The following SPI1 variants were observed in gnomAD, a reference collection of about 807,000 sequenced individuals.
The protein encoded by SPI1 is transcription factor PU.1.
Under a neutral mutation model 30.7 loss-of-function variants are expected in SPI1, and 3 were observed. The observed-to-expected ratio is 0.10, with a 90% CI of 0.04 to 0.25. The LOEUF (loss-of-function observed/expected upper bound fraction) is 0.25. Ranked by LOEUF, SPI1 falls within the 10% of genes least tolerant of loss-of-function variation. The pLI is 1.00. For synonymous variants in SPI1, 169 were observed against 157.1 expected (o/e 1.08, Z -0.56); for missense variants, 261 against 371.5 (o/e 0.70, Z 2.45).
chr11:47,358,628 C>T (rs1323879317), intron 4 of SPI1: 2 of 706,786 alleles, frequency 2.8e-6, no homozygotes, highest in Non-Finnish European at 5.1e-6. Flanking sequence ...ACACACCTGG[C>T]ACACTTCATG....
chr11:47,363,321 G>A (rs1408233067), intron 2 of SPI1, among the ~76,000 whole-genome samples: 1 of 152,190 alleles, frequency 6.6e-6, no homozygotes, highest in Non-Finnish European at 1.5e-5. Flanking sequence ...AGGAGTCCGA[G>A]ATCAACCTGG....
chr11:47,377,404 A>G (rs1321698286), intron 1 of SPI1, among the ~76,000 whole-genome samples: 2 of 152,004 alleles, frequency 1.3e-5, no homozygotes, highest in Non-Finnish European at 2.9e-5. Context: ...ATGGGGTGGG[A>G]AAAGGGAGAA....
chr11:47,361,674 C>T (rs548669313), intron 2 of SPI1, among the ~76,000 whole-genome samples: 1 of 152,310 alleles, frequency 6.6e-6, no homozygotes, highest in African/African-American at 2.4e-5. Context: ...AGTCCACCAC[C>T]AGCCATGCGT....
Position 47,375,701 on chromosome 11 carries a change from G to A in SPI1, c.74C>T (p.Thr25Met), listed in dbSNP as rs2095941375. The A allele has an allele frequency of 3.7e-6, 6 of 1,613,908 alleles. No individual in the cohort carries two copies. The highest frequency in any genetic ancestry group is 2.5e-6 in the Non-Finnish European group (3 of 1,179,898). Residue 25 changes from threonine to methionine, a missense_variant, in exon 2 of 5, where the codon ACG becomes ATG. Thr to Met is a moderately conservative substitution (Grantham distance 81). Coordinates refer to ENST00000378538, the MANE Select transcript of SPI1 (RefSeq NM_003120.3). This position sits in a 1 kb window ranked among gnomAD's most constrained non-coding sequence, Gnocchi z 4.2. ...PPSEDLVPYD[T>M]DLYQRQTHEY... ...GTGCGTTTGGCGTTGGTATAGATCC[G>A]TGTCATAGGGCACCAGGTCTTCTGA... is the stretch of plus-strand genomic sequence containing the variant.
Position 47,370,523 on chromosome 11 carries a change from G to A in SPI1, c.142+5110C>T, listed in dbSNP as rs192176588. On this transcript the variant is annotated intron_variant, in intron 2 of 4. Coordinates refer to ENST00000378538, the MANE Select transcript of SPI1 (RefSeq NM_003120.3). The stretch of plus-strand genomic sequence containing the variant: ...TCAAGACTAGCCTGGCCAACATGGC[G>A]AAACCCCATCTCTACTAAAAATACA... Among the ~76,000 whole-genome samples the A allele has an allele frequency of 1.6e-4, 24 of 151,488 alleles. 1 individual carries two copies. Among genetic ancestry groups the A allele is most frequent in the Admixed American group, 1.4e-3 (22 of 15,188 alleles).
chr11:47,374,186 C>G lies in SPI1; in HGVS notation c.142+1447G>C, dbSNP rs1426809747. ...GTCTCTGGGTCCCCCAGACCGGGCT[C>G]TTCACTCTGGTAGGGAGAGCTGGGG... On this transcript the variant is annotated intron_variant, in intron 2 of 4. Coordinates refer to ENST00000378538, the MANE Select transcript of SPI1 (RefSeq NM_003120.3). The surrounding 1 kb of genome is among the most constrained non-coding windows in gnomAD (Gnocchi z 4.5). Among the ~76,000 whole-genome samples, 1 of 152,182 alleles carries G rather than the reference C, an allele frequency of 6.6e-6. No homozygotes were observed. The highest frequency in any genetic ancestry group is 1.5e-5 in the Non-Finnish European group (1 of 68,036).
intron 2 of SPI1, among the ~76,000 whole-genome samples, chr11:47,370,410 GAAAAA>G (rs1004836341): frequency 7.7e-6 from 1 of 129,182 alleles, no homozygotes; most frequent in South Asian, 2.6e-4. Context: ...TCAAAAAAAA[GAAAAA>G]AAAAAAGGCC....
In SPI1 at chr11:47,359,299, A is replaced by G. The variant is rs1382950407; in HGVS notation, c.331-293T>C. 6.6e-6 allele frequency among the ~76,000 whole-genome samples: 1 copy of G among 152,102 alleles called. No individual in the cohort carries two copies. The highest frequency in any genetic ancestry group is 6.5e-5 in the Admixed American group (1 of 15,284). On this transcript the variant is annotated intron_variant, in intron 3 of 4. Coordinates refer to ENST00000378538, the MANE Select transcript of SPI1 (RefSeq NM_003120.3). This position sits in a 1 kb window ranked among gnomAD's most constrained non-coding sequence, Gnocchi z 5.1. ...AGTGGTGCCTTGTTCTCCTCCCTGC[A>G]GCGGTGCTGTGTGGACCCGCATTAG...
Position 47,373,052 on chromosome 11 carries a change from G to T in SPI1, c.142+2581C>A, listed in dbSNP as rs532461569. Among the ~76,000 whole-genome samples the T allele has an allele frequency of 3.9e-5, 6 of 152,290 alleles. No individual in the cohort carries two copies. The South Asian group carries it at 1.2e-3, about 32-fold the overall frequency. On this transcript the variant is annotated intron_variant, in intron 2 of 4. Coordinates refer to ENST00000378538, the MANE Select transcript of SPI1 (RefSeq NM_003120.3). ...GTCTTCAGACGATACCTTCCAGCGG[G>T]TATAAAAAGGGACAGCCCGGCCGGG... is the stretch of plus-strand genomic sequence containing the variant.
intron 4 of SPI1, 96 bp downstream of exon 4, chr11:47,358,747 CG>C (rs1565637771): frequency 3.3e-6 from 4 of 1,226,900 alleles, no homozygotes; most frequent in Non-Finnish European, 4.7e-6. Flanking sequence ...ACACGCGACT[CG>C]GTGGCGTGGC....
chr11:47,361,129 A>G (rs2095920202), intron 2 of SPI1, among the ~76,000 whole-genome samples: 1 of 152,176 alleles, frequency 6.6e-6, no homozygotes, highest in African/African-American at 2.4e-5. Context: ...TCAAAAAGAA[A>G]AAAAAAGAAA....
chr11:47,355,434 C>G lies in SPI1; in HGVS notation c.606G>C (p.Ser202=). ...GCGCCAGCGCCTCCTTGTGCTTGGACGAGAACTGGAAGGTGCCCTTGTCCT... is the reference window on the plus strand; with the variant it reads ...GCGCCAGCGCCTCCTTGTGCTTGGAGGAGAACTGGAAGGTGCCCTTGTCCT... The part of the protein sequence containing the change: ...VDKDKGTFQF[S]SKHKEALAHR... Residue 202 remains serine, a synonymous_variant, in exon 5 of 5, where the codon TCG becomes TCC. Transcript: ENST00000378538. The G allele has an allele frequency of 6.2e-7, 1 of 1,613,794 alleles. No individual in the cohort carries two copies. Among genetic ancestry groups the G allele is most frequent in the Non-Finnish European group, 8.5e-7 (1 of 1,179,752 alleles).
At chr11:47,357,903 CCTGCTTTCACACAT>C (rs1392101356) in intron 4 of SPI1, among the ~76,000 whole-genome samples, 3 of 152,040 alleles carry the variant, frequency 2.0e-5, no homozygotes, top group Non-Finnish European at 4.4e-5. Context: ...CATTCACACA[CCTGCTTTCACACAT>C]ACACATACCT....
chr11:47,361,387 C>A (rs958769704), intron 2 of SPI1, among the ~76,000 whole-genome samples: 1 of 152,176 alleles, frequency 6.6e-6, no homozygotes, highest in Non-Finnish European at 1.5e-5. Context: ...TGAGACTTTC[C>A]TGGAAAACCC....
At chr11:47,356,588 A>G (rs951615113) in intron 4 of SPI1, among the ~76,000 whole-genome samples, 1 of 150,938 alleles carries the variant, frequency 6.6e-6, no homozygotes, top group African/African-American at 2.4e-5. Context: ...ACCTCACACC[A>G]GGTCTCATAA....
intron 4 of SPI1, among the ~76,000 whole-genome samples, chr11:47,357,865 C>T (rs554075534): frequency 6.6e-6 from 1 of 151,982 alleles, no homozygotes; most frequent in Non-Finnish European, 1.5e-5. Context: ...ACGCCCGGCC[C>T]ACTCACACCC....
At chr11:47,357,218 CAT>C (rs1321911468) in intron 4 of SPI1, among the ~76,000 whole-genome samples, 3 of 151,492 alleles carry the variant, frequency 2.0e-5, no homozygotes, top group Non-Finnish European at 4.4e-5. Context: ...TGCACACACA[CAT>C]GCTCACACAT....
Position 47,359,067 on chromosome 11 carries a change from G to T in SPI1, c.331-61C>A. 6.8e-7 allele frequency: 1 copy of T among 1,460,912 alleles called. No individual in the cohort carries two copies. Among genetic ancestry groups the T allele is most frequent in the Non-Finnish European group, 9.1e-7 (1 of 1,093,838 alleles). 90.5% of individuals were successfully genotyped at this position (1,460,912 alleles called of 1,614,324 possible). Reference sequence around the variant, plus strand: ...GGCCAGCTTACAGCTCAGGGGGGCTGGGAGGGAGGTCAGCTGGGGAGAGAA... The same window carrying T: ...GGCCAGCTTACAGCTCAGGGGGGCTTGGAGGGAGGTCAGCTGGGGAGAGAA... On this transcript the variant is annotated intron_variant, in intron 3 of 4. Coordinates refer to ENST00000378538, the MANE Select transcript of SPI1 (RefSeq NM_003120.3). The surrounding 1 kb of genome is among the most constrained non-coding windows in gnomAD (Gnocchi z 5.1).
intron 4 of SPI1, among the ~76,000 whole-genome samples, chr11:47,356,178 A>T (rs2095908733): frequency 6.7e-6 from 1 of 148,962 alleles, no homozygotes; most frequent in Non-Finnish European, 1.5e-5. Flanking sequence ...TCACTTTCTC[A>T]CACACCCACA....
Sources: gnomAD v4.1 joint callset for allele counts (sites outside exome capture counted in the v4.1 genomes callset) on GRCh38, gnomAD v4.1.1 for gene constraint, Gnocchi (gnomAD v3.1) non-coding constraint, MANE v1.5 for transcripts, NCBI Gene and HGNC (gene_info 2026-07-23, HGNC 2026-07-21) for gene names.